PYGO1: variants seen among roughly 807,000 people sequenced by gnomAD.
PYGO1 encodes pygopus family PHD finger 1.
Under a neutral mutation model 29.5 loss-of-function variants are expected in PYGO1, and 6 were observed. The ratio of observed to expected loss-of-function variants is 0.20; its 90% confidence interval spans 0.11 to 0.40. The LOEUF (loss-of-function observed/expected upper bound fraction) is 0.40, where lower values mean the gene tolerates loss of function less well. Ranked by LOEUF, PYGO1 falls within the 10% of genes least tolerant of loss-of-function variation. The pLI is 1.00. For synonymous variants in PYGO1, 186 were observed against 180.5 expected (o/e 1.03, Z -0.24); for missense variants, 515 against 514.9 (o/e 1.00, Z 0.00).
chr15:55,558,419 G>GC (rs1474262320), intron 1 of PYGO1, among the ~76,000 whole-genome samples: 1 of 151,970 alleles, frequency 6.6e-6, no homozygotes, highest in Non-Finnish European at 1.5e-5. Context: ...TGGCCATACT[G>GC]CCCAAGGTAA....
At chr15:55,557,313 T>G (rs539644764) in intron 1 of PYGO1, among the ~76,000 whole-genome samples, 1 of 151,864 alleles carries the variant, frequency 6.6e-6, no homozygotes, top group Non-Finnish European at 1.5e-5. Context: ...AATCCCTGAA[T>G]AGACCAATAA....
Position 55,587,977 on chromosome 15 carries a change from G to A in PYGO1, c.-94C>T. 1 of 1,418,740 alleles carries A rather than the reference G, an allele frequency of 7.0e-7. No individual in the cohort carries two copies. Among genetic ancestry groups the A allele is most frequent in the Non-Finnish European group, 9.3e-7 (1 of 1,080,380 alleles). The allele number at this position is 1,418,740 out of a possible 1,614,324, so 87.9% of individuals were successfully genotyped here. A position where few individuals can be genotyped will look rare whatever the true frequency, so the allele number is the denominator to read the frequency against. ...CTCCTCCTCCTCGCGGGGCCGCTGC[G>A]GCTGCGAGGCAAGCCTCGGAGCCGA... is the stretch of plus-strand genomic sequence containing the variant. On this transcript the variant is annotated 5_prime_UTR_variant, in exon 1 of 3. Transcript: ENST00000563719.
chr15:55,564,183 G>C (rs960615211), intron 1 of PYGO1, among the ~76,000 whole-genome samples: 4 of 152,076 alleles, frequency 2.6e-5, no homozygotes, highest in African/African-American at 9.7e-5. Flanking sequence ...GTCCATCAAC[G>C]AGTGAATGGA....
chr15:55,560,118 T>C (rs1227270743), intron 1 of PYGO1, among the ~76,000 whole-genome samples: 1 of 152,124 alleles, frequency 6.6e-6, no homozygotes, highest in East Asian at 1.9e-4. Context: ...CCTTGAAAAC[T>C]GGCAAAAGAC....
Position 55,546,862 on chromosome 15 carries a change from T to C in PYGO1, c.421A>G (p.Asn141Asp). The change falls in exon 3 of 3, where the codon AAT (asparagine) becomes GAT (aspartate). Residue 141 changes from asparagine (N) to aspartate (D), a missense_variant. Transcript: ENST00000563719. ...FPQNPLGMGFNRPHAFNFGPH... is the reference protein window; with the variant it reads ...FPQNPLGMGFDRPHAFNFGPH... The stretch of plus-strand genomic sequence containing the variant: ...CCAAAGTTAAAAGCATGAGGTCGAT[T>C]AAAACCCATGCCCAGAGGATTCTGA... The C allele has an allele frequency of 1.2e-6, 2 of 1,614,066 alleles. No homozygotes were observed. The highest frequency in any genetic ancestry group is 1.1e-5 in the South Asian group (1 of 91,072).
At chr15:55,583,190 C>T (rs2059032293) in intron 1 of PYGO1, among the ~76,000 whole-genome samples, 1 of 152,104 alleles carries the variant, frequency 6.6e-6, no homozygotes. Context: ...ACAATAGAAA[C>T]CTTGTCTGTC....
At chr15:55,555,359 G>C (rs563342327) in intron 1 of PYGO1, among the ~76,000 whole-genome samples, 19 of 152,034 alleles carry the variant, frequency 1.2e-4, no homozygotes, top group African/African-American at 4.6e-4. Flanking sequence ...CCTGAAGGAA[G>C]CACTAAATAT....
chr15:55,540,615 C>T lies in PYGO1; in HGVS notation c.*5408G>A, dbSNP rs1183376042. ...ACATACTTCATAGAGTAGCTTAAAACATACCAGCATAAGAAATAATTAGTA... is the reference window on the plus strand; with the variant it reads ...ACATACTTCATAGAGTAGCTTAAAATATACCAGCATAAGAAATAATTAGTA... On this transcript the variant is annotated 3_prime_UTR_variant, in exon 3 of 3. Transcript: ENST00000563719. The T allele has an allele frequency of 6.6e-6, 1 of 152,116 alleles. No individual in the cohort carries two copies. Among genetic ancestry groups the T allele is most frequent in the Admixed American group, 6.5e-5 (1 of 15,272 alleles). 9.4% of individuals were successfully genotyped at this position (152,116 alleles called of 1,614,324 possible). A position where few individuals can be genotyped will look rare whatever the true frequency, so the allele number is the denominator to read the frequency against.
rs1396507152 is a variant in PYGO1 at position 55,588,330 on chromosome 15, C to A, written c.-447G>T. The stretch of plus-strand genomic sequence containing the variant: ...GGAGGAGGTCTGCTCTCTCGCCGCT[C>A]CCGAGTCGCAGACACAAAAGCCCCC... On this transcript the variant is annotated 5_prime_UTR_variant, in exon 1 of 3. Transcript: ENST00000563719. Among the ~76,000 whole-genome samples the A allele has an allele frequency of 6.7e-6, 1 of 148,662 alleles. No individual in the cohort carries two copies. The highest frequency in any genetic ancestry group is 1.5e-5 in the Non-Finnish European group (1 of 66,644).
intron 1 of PYGO1, among the ~76,000 whole-genome samples, chr15:55,587,340 G>A (rs1434333834): frequency 6.6e-6 from 1 of 150,450 alleles, no homozygotes; most frequent in Non-Finnish European, 1.5e-5. Context: ...TAAACCTACG[G>A]AAAATAAACT....
chr15:55,551,280 C>T (rs908645805), intron 1 of PYGO1, among the ~76,000 whole-genome samples: 6 of 152,134 alleles, frequency 3.9e-5, no homozygotes, highest in Admixed American at 1.3e-4. Flanking sequence ...TAGAAGGAAC[C>T]TAATTTCTGG....
intron 1 of PYGO1, among the ~76,000 whole-genome samples, chr15:55,564,397 T>C (rs1467045829): frequency 3.9e-5 from 6 of 152,190 alleles, no homozygotes; most frequent in Non-Finnish European, 8.8e-5. Context: ...AGATTAGTAG[T>C]TGACAGACCA....
intron 1 of PYGO1, among the ~76,000 whole-genome samples, chr15:55,584,607 T>C (rs949904935): frequency 5.9e-5 from 9 of 152,278 alleles, no homozygotes; most frequent in African/African-American, 1.7e-4. Flanking sequence ...AAAAGTAGTA[T>C]GAGGGGAAAT....
In PYGO1 at chr15:55,547,096, AGT is replaced by A; in HGVS notation, c.185_186del (p.Asn62IlefsTer2). 1 of 1,611,930 alleles carries A rather than the reference AGT, an allele frequency of 6.2e-7. No homozygotes were observed. Among genetic ancestry groups the A allele is most frequent in the Non-Finnish European group, 8.5e-7 (1 of 1,179,228 alleles). On this transcript the variant is annotated frameshift_variant, in exon 3 of 3. Transcript: ENST00000563719. LOFTEE classifies it high-confidence loss of function. ...LSEYAPPPNP[N>X]SDHLVAANPF... ...GGATTAGCAGCCACTAGATGGTCAG[AGT>A]TTGGATTCGGTGGTGGAGCATACTC...
At chr15:55,576,973 C>A (rs551079871) in intron 1 of PYGO1, among the ~76,000 whole-genome samples, 38 of 150,512 alleles carry the variant, frequency 2.5e-4, no homozygotes, top group Non-Finnish European at 4.7e-4. Context: ...AACCTGCCTC[C>A]CATTCTATTC....
intron 1 of PYGO1, among the ~76,000 whole-genome samples, chr15:55,565,986 T>C (rs975963216): frequency 6.6e-6 from 1 of 152,202 alleles, no homozygotes; most frequent in Non-Finnish European, 1.5e-5. Context: ...TTCTACCATG[T>C]TGGCCAAGTT....
Position 55,544,354 on chromosome 15 carries a change from A to T in PYGO1, c.*1669T>A, listed in dbSNP as rs1398222036. On this transcript the variant is annotated 3_prime_UTR_variant, in exon 3 of 3. Coordinates refer to ENST00000563719, the MANE Select transcript of PYGO1 (RefSeq NM_001367806.1). ...ATTGTTAACATCTTCCAGTTACTTC[A>T]TCTCGATTGGGGAATGCATTGTTTC... 1 of 152,202 alleles carries T rather than the reference A, an allele frequency of 6.6e-6. No individual in the cohort carries two copies. The highest frequency in any genetic ancestry group is 1.5e-5 in the Non-Finnish European group (1 of 68,030). 9.4% of individuals were successfully genotyped at this position (152,202 alleles called of 1,614,324 possible).
intron 1 of PYGO1, among the ~76,000 whole-genome samples, chr15:55,582,206 C>CAAAAAAAAA: frequency 9.6e-6 from 1 of 104,052 alleles, no homozygotes; most frequent in Non-Finnish European, 1.8e-5. Flanking sequence ...GGCTCCATCT[C>CAAAAAAAAA]AAAAAAAAAA....
intron 1 of PYGO1, among the ~76,000 whole-genome samples, chr15:55,561,100 C>T (rs996116485): frequency 6.6e-6 from 1 of 152,272 alleles, no homozygotes; most frequent in East Asian, 1.9e-4. Flanking sequence ...TACAAGGCTA[C>T]AGTAACCAAA....
Sources: allele counts gnomAD v4.1 joint callset (sites outside exome capture counted in the v4.1 genomes callset), GRCh38; gene constraint gnomAD v4.1.1; transcripts MANE v1.5; gene names NCBI Gene and HGNC (gene_info 2026-07-23, HGNC 2026-07-21).